The following ARB2A variants were observed in gnomAD, a reference collection of about 807,000 sequenced individuals.
The protein encoded by ARB2A is ARB2 cotranscriptional regulator A, also known as cotranscriptional regulator ARB2A.
chr5:93,861,599 G>T, the ARB2A span: 270 of 151,872 alleles, frequency 1.8e-3, no homozygotes, highest in African/African-American at 6.4e-3. Context: ...TTGGTTGAAG[G>T]TACTTTTTCT....
the ARB2A span, among the ~76,000 whole-genome samples, chr5:93,689,791 C>A: frequency 1.3e-5 from 2 of 151,736 alleles, no homozygotes; most frequent in African/African-American, 4.8e-5. Context: ...CTCCTGGGTT[C>A]AAGTGATTCT....
chr5:93,787,623 T>C, the ARB2A span, among the ~76,000 whole-genome samples: 1 of 152,186 alleles, frequency 6.6e-6, no homozygotes, highest in Non-Finnish European at 1.5e-5. Flanking sequence ...AAACTGTGAC[T>C]TGACCTTGGA....
the ARB2A span, among the ~76,000 whole-genome samples, chr5:93,654,143 A>G: frequency 6.6e-6 from 1 of 152,220 alleles, no homozygotes; most frequent in Admixed American, 6.5e-5. Flanking sequence ...GAAAACAGAA[A>G]AAAATGAAAA....
At chr5:93,813,017 T>A in the ARB2A span, among the ~76,000 whole-genome samples, 2 of 152,166 alleles carry the variant, frequency 1.3e-5, no homozygotes, top group Non-Finnish European at 2.9e-5. Context: ...GAGGACACAA[T>A]GAGAACATGG....
chr5:93,671,019 C>A, the ARB2A span, among the ~76,000 whole-genome samples: 2 of 152,168 alleles, frequency 1.3e-5, no homozygotes, highest in Non-Finnish European at 2.9e-5. Flanking sequence ...TCAGGACTTT[C>A]ATTGTGATAT....
chr5:93,854,633 C>T, the ARB2A span, among the ~76,000 whole-genome samples: 5 of 152,314 alleles, frequency 3.3e-5, no homozygotes, highest in Middle Eastern at 3.4e-3. Context: ...TTGAATGTGT[C>T]CCAGAGATTC....
At chr5:93,674,266 T>C in the ARB2A span, among the ~76,000 whole-genome samples, 1 of 152,198 alleles carries the variant, frequency 6.6e-6, no homozygotes, top group Non-Finnish European at 1.5e-5. Flanking sequence ...AGTGTAGCTG[T>C]TATCTTCCTC....
At chr5:94,084,578 A>G in the ARB2A span, among the ~76,000 whole-genome samples, 1 of 152,222 alleles carries the variant, frequency 6.6e-6, no homozygotes, top group Non-Finnish European at 1.5e-5. Context: ...AGAATCGCCA[A>G]GAACTGATAA....
chr5:93,892,558 T>C, the ARB2A span, among the ~76,000 whole-genome samples: 1 of 152,266 alleles, frequency 6.6e-6, no homozygotes, highest in East Asian at 1.9e-4. Flanking sequence ...GTTCTTAACA[T>C]GCCAATTAGA....
At chr5:93,918,619 A>G in the ARB2A span, among the ~76,000 whole-genome samples, 2 of 151,648 alleles carry the variant, frequency 1.3e-5, no homozygotes, top group African/African-American at 4.8e-5. Flanking sequence ...ATGGGTTTTC[A>G]CCATGTTGGC....
chr5:93,704,909 T>C, the ARB2A span, among the ~76,000 whole-genome samples: 4 of 152,210 alleles, frequency 2.6e-5, no homozygotes, highest in African/African-American at 9.6e-5. Flanking sequence ...AAAGGGTTCA[T>C]ATAACTCACT....
chr5:94,108,486 T>C, the ARB2A span, among the ~76,000 whole-genome samples: 6 of 152,030 alleles, frequency 3.9e-5, no homozygotes, highest in African/African-American at 1.2e-4. Flanking sequence ...ATAAAAGTCA[T>C]GGTGGCTGCC....
At chr5:93,763,292 C>T in the ARB2A span, among the ~76,000 whole-genome samples, 1 of 152,108 alleles carries the variant, frequency 6.6e-6, no homozygotes, top group Non-Finnish European at 1.5e-5. Flanking sequence ...GTGCTGTATT[C>T]AGGAAACCCA....
the ARB2A span, among the ~76,000 whole-genome samples, chr5:93,763,277 T>C: frequency 6.6e-6 from 1 of 152,146 alleles, no homozygotes; most frequent in South Asian, 2.1e-4. Context: ...TCAAGACCCA[T>C]CAGTGTGCTG....
At chr5:93,642,654 A>G in the ARB2A span, among the ~76,000 whole-genome samples, 1 of 152,082 alleles carries the variant, frequency 6.6e-6, no homozygotes, top group Non-Finnish European at 1.5e-5. Flanking sequence ...GATTATAGAC[A>G]TGAGCCACTG....
chr5:93,969,018 C>CTTT, the ARB2A span, among the ~76,000 whole-genome samples: 10 of 113,206 alleles, frequency 8.8e-5, no homozygotes, highest in Non-Finnish European at 9.2e-5. Flanking sequence ...GAATTTTTTT[C>CTTT]TTTTTTTTTT....
the ARB2A span, among the ~76,000 whole-genome samples, chr5:93,923,257 G>A: frequency 4.6e-5 from 7 of 151,930 alleles, no homozygotes; most frequent in South Asian, 2.1e-4. Context: ...TATACAAAAC[G>A]TGTGAATCAA....
chr5:94,050,646 T>A, the ARB2A span: 4 of 939,158 alleles, frequency 4.3e-6, no homozygotes, highest in Non-Finnish European at 3.2e-6. Flanking sequence ...GTAGAAAGAG[T>A]GCATAAACTG....
chr5:93,641,367 C>G, the ARB2A span, among the ~76,000 whole-genome samples: 3 of 151,964 alleles, frequency 2.0e-5, no homozygotes, highest in Non-Finnish European at 2.9e-5. Flanking sequence ...TAGATGCCAT[C>G]TATTATTTTA....
Sources: gnomAD v4.1 joint callset for allele counts (sites outside exome capture counted in the v4.1 genomes callset) on GRCh38, gnomAD v4.1.1 for gene constraint, MANE v1.5 for transcripts, NCBI Gene and HGNC (gene_info 2026-07-23, HGNC 2026-07-21) for gene names.